POU2F2: variants seen among roughly 807,000 people sequenced by gnomAD.
POU2F2 encodes POU domain, class 2, transcription factor 2.
Under a neutral mutation model 63.5 loss-of-function variants are expected in POU2F2, and 14 were observed. That is an observed-to-expected ratio of 0.22 (90% CI 0.15 to 0.34). The LOEUF is 0.34. Among genes scored for constraint, POU2F2 ranks in the 10% least tolerant of loss-of-function variants. POU2F2 has a pLI of 1.00. For missense variants in POU2F2, 607 were observed against 815.2 expected (o/e 0.74, Z 3.11); for synonymous variants, 306 against 348.6 (o/e 0.88, Z 1.36).
intron 7 of POU2F2, among the ~76,000 whole-genome samples, chr19:42,098,625 T>A (rs2077013941): frequency 6.6e-6 from 1 of 152,164 alleles, no homozygotes; most frequent in South Asian, 2.1e-4. Flanking sequence ...TGCAGTCAAA[T>A]GAGTTCTCAT....
chr19:42,093,800 C>G (rs918977923), intron 12 of POU2F2, 29 bp downstream of exon 12: 1 of 1,586,108 alleles, frequency 6.3e-7, no homozygotes, highest in Non-Finnish European at 8.6e-7. Flanking sequence ...CCTCCCAGTC[C>G]CCCCTCACCA....
Position 42,156,990 on chromosome 19 carries a change from T to C in POU2F2, c.-9+3342A>G, listed in dbSNP as rs78525205. ...GTTGCTTATGTCTGGGTTACCTCTG[T>C]GACCCTGGGACCGCTCCACATTGAA... On this transcript the variant is annotated intron_variant, in intron 2 of 6. Transcript: ENST00000524801. The surrounding 1 kb of genome is among the most constrained non-coding windows in gnomAD (Gnocchi z 4.1). 0.1 allele frequency: 15,670 copies of C among 152,352 alleles called. 960 individuals carry two copies. The highest frequency in any genetic ancestry group is 0.21 in the Middle Eastern group (61 of 296). 9.4% of individuals were successfully genotyped at this position (152,352 alleles called of 1,614,324 possible).
Position 42,090,995 on chromosome 19 carries a change from TGG to T in POU2F2, c.*260_*261del. 3.1e-6 allele frequency: 1 copy of T among 323,642 alleles called. No individual in the cohort carries two copies. The highest frequency in any genetic ancestry group is 5.6e-6 in the Non-Finnish European group (1 of 179,478). The allele number at this position is 323,642 out of a possible 1,614,324, so 20.0% of individuals were successfully genotyped here. A position where few individuals can be genotyped will look rare whatever the true frequency, so the allele number is the denominator to read the frequency against. On this transcript the variant is annotated 3_prime_UTR_variant, in exon 15 of 15. Coordinates refer to ENST00000692977, the MANE Select transcript of POU2F2 (RefSeq NM_001394376.1). The surrounding 1 kb of genome is among the most constrained non-coding windows in gnomAD (Gnocchi z 4.4). The stretch of plus-strand genomic sequence containing the variant: ...GTTTTTTTTTTTTTTGGTTTGTTTT[TGG>T]TTTTTTTTTGTTTGTTTTTCACCTC...
intron 1 of POU2F2, among the ~76,000 whole-genome samples, chr19:42,194,247 G>A (rs1041634105): frequency 2.6e-5 from 4 of 151,894 alleles, no homozygotes; most frequent in African/African-American, 4.8e-5. Context: ...TAAGCCAGGT[G>A]TGGTGGTGCA....
In POU2F2 at chr19:42,086,651, C is replaced by T. The variant is rs2076556987; in HGVS notation, c.*4606G>A. 1 of 152,174 alleles carries T rather than the reference C, an allele frequency of 6.6e-6. No individual in the cohort carries two copies. Among genetic ancestry groups the T allele is most frequent in the Non-Finnish European group, 1.5e-5 (1 of 68,024 alleles). 9.4% of individuals were successfully genotyped at this position (152,174 alleles called of 1,614,324 possible). A position where few individuals can be genotyped will look rare whatever the true frequency, so the allele number is the denominator to read the frequency against. Reference sequence around the variant, plus strand: ...AGGCCCCTGCTCTTCCCAAAGACTCCTCGCCCATTCCCCACCCTGCCATTA... The same window carrying T: ...AGGCCCCTGCTCTTCCCAAAGACTCTTCGCCCATTCCCCACCCTGCCATTA... On this transcript the variant is annotated 3_prime_UTR_variant, in exon 15 of 15. Coordinates refer to ENST00000692977, the MANE Select transcript of POU2F2 (RefSeq NM_001394376.1).
intron 1 of POU2F2, among the ~76,000 whole-genome samples, chr19:42,128,380 G>C (rs2033391253): frequency 6.6e-6 from 1 of 152,128 alleles, no homozygotes; most frequent in South Asian, 2.1e-4. Flanking sequence ...TGGTTTGAGG[G>C]AAATTTTTCA....
chr19:42,112,433 G>A (rs756922454), intron 5 of POU2F2, among the ~76,000 whole-genome samples: 4 of 152,100 alleles, frequency 2.6e-5, no homozygotes, highest in South Asian at 2.1e-4. Flanking sequence ...GCAGTGGCAC[G>A]ATCTTGGCTC....
At chr19:42,103,869 G>A (rs879364370) in intron 5 of POU2F2, among the ~76,000 whole-genome samples, 1 of 151,474 alleles carries the variant, frequency 6.6e-6, no homozygotes, top group Non-Finnish European at 1.5e-5. Context: ...TCCTGACCTC[G>A]TGATCCGCCT....
chr19:42,186,092 G>A (rs1261429413), intron 1 of POU2F2, among the ~76,000 whole-genome samples: 3 of 152,056 alleles, frequency 2.0e-5, no homozygotes, highest in South Asian at 2.1e-4. Context: ...ACGCCGAGGC[G>A]GGTGGATCAT....
At chr19:42,158,079 C>T (rs554810188) in intron 2 of POU2F2, among the ~76,000 whole-genome samples, 2 of 152,294 alleles carry the variant, frequency 1.3e-5, no homozygotes, top group Admixed American at 6.5e-5. Context: ...GTTGTTGTTT[C>T]GTAACAAAAC....
chr19:42,150,084 G>A (rs2034311221), intron 2 of POU2F2, among the ~76,000 whole-genome samples: 1 of 152,138 alleles, frequency 6.6e-6, no homozygotes, highest in Non-Finnish European at 1.5e-5. Flanking sequence ...TCCCCTGCTG[G>A]CTGCTGAGGG....
chr19:42,116,161 G>A (rs956630703), intron 5 of POU2F2, among the ~76,000 whole-genome samples: 1 of 152,186 alleles, frequency 6.6e-6, no homozygotes, highest in Non-Finnish European at 1.5e-5. Flanking sequence ...GGCAGCCCTA[G>A]GAAACTGAGA....
chr19:42,187,457 A>C (rs1204450165), intron 1 of POU2F2, among the ~76,000 whole-genome samples: 1 of 109,474 alleles, frequency 9.1e-6, no homozygotes, highest in Admixed American at 9.6e-5. Context: ...ACTCTGTCTC[A>C]AAAAAAAAAA....
upstream of POU2F2, among the ~76,000 whole-genome samples, chr19:42,178,765 G>A (rs1177388248): frequency 6.6e-6 from 1 of 152,108 alleles, no homozygotes; most frequent in African/African-American, 2.4e-5. Flanking sequence ...CTAAGAAACA[G>A]AGACAGAAAG....
intron 1 of POU2F2, among the ~76,000 whole-genome samples, chr19:42,167,463 CA>C (rs759561409): frequency 0.011 from 1,270 of 120,756 alleles, 5 homozygotes; most frequent in Middle Eastern, 0.031. Context: ...CCCCAAACTC[CA>C]AAAAAAAAAA....
chr19:42,114,340 G>T (rs754959129), intron 5 of POU2F2, among the ~76,000 whole-genome samples: 1 of 152,144 alleles, frequency 6.6e-6, no homozygotes, highest in Non-Finnish European at 1.5e-5. Flanking sequence ...GCACGGCTGG[G>T]GGGAGGGAAG....
intron 12 of POU2F2, 76 bp downstream of exon 12, chr19:42,093,753 G>C (rs772016600): frequency 2.0e-6 from 3 of 1,464,958 alleles, no homozygotes. Context: ...GACACCCAGA[G>C]CCACTTGGGA....
At chr19:42,099,085 C>G (rs1460630261) in intron 7 of POU2F2, among the ~76,000 whole-genome samples, 1 of 152,252 alleles carries the variant, frequency 6.6e-6, no homozygotes. Flanking sequence ...GCCTTGTTTT[C>G]AGTCTCCAGT....
At chr19:42,099,066 CA>C (rs1418808996) in intron 7 of POU2F2, among the ~76,000 whole-genome samples, 6 of 152,216 alleles carry the variant, frequency 3.9e-5, no homozygotes, top group Non-Finnish European at 8.8e-5. Context: ...AAATAAAAGA[CA>C]CCTGTGGGCC....
Sources: gnomAD v4.1 joint callset for allele counts (sites outside exome capture counted in the v4.1 genomes callset) on GRCh38, gnomAD v4.1.1 for gene constraint, Gnocchi (gnomAD v3.1) non-coding constraint, MANE v1.5 for transcripts, NCBI Gene and HGNC (gene_info 2026-07-23, HGNC 2026-07-21) for gene names.